Variants in SWAP70 observed in about 807,000 individuals in gnomAD.
SWAP70 encodes switch-associated protein 70.
Under a neutral mutation model 80.2 loss-of-function variants are expected in SWAP70, and 34 were observed. The ratio of observed to expected loss-of-function variants is 0.42; its 90% CI spans 0.32 to 0.56. The LOEUF is 0.56. SWAP70 is among the 20% of genes least tolerant of loss of function. The pLI, the probability that SWAP70 is intolerant of heterozygous loss-of-function variation, is 0.09. For synonymous variants in SWAP70, 239 were observed against 238.5 expected, an observed-to-expected ratio of 1.00 and a Z score of -0.02; for missense variants, 578 against 690.7, an observed-to-expected ratio of 0.84 and a Z score of 1.83.
At chr11:9,683,756 T>C (rs1850597127) in intron 1 of SWAP70, among the ~76,000 whole-genome samples, 1 of 152,224 alleles carries the variant, frequency 6.6e-6, no homozygotes, top group South Asian at 2.1e-4. Flanking sequence ...CACCCCGCTC[T>C]GTCACTGGGA....
At position 9,732,531 on chromosome 11, in the gene SWAP70, ATTC is replaced by A; in HGVS notation, c.902_904del (p.Ile301_His302delinsAsn). The stretch of plus-strand genomic sequence containing the variant: ...TTTTCCTCCTACACCTTTTACAGCC[ATTC>A]ATTCTACTATTCATCTGTTGAAGCT... On this transcript the variant is annotated inframe_deletion, in exon 7 of 12. Transcript: ENST00000318950. The A allele has an allele frequency of 6.2e-7, 1 of 1,604,318 alleles. No individual in the cohort carries two copies. Among genetic ancestry groups the A allele is most frequent in the Non-Finnish European group, 8.5e-7 (1 of 1,174,528 alleles).
chr11:9,748,565 A>G (rs1015759444), intron 10 of SWAP70, among the ~76,000 whole-genome samples: 1 of 152,242 alleles, frequency 6.6e-6, no homozygotes, highest in Non-Finnish European at 1.5e-5. Context: ...GAGGTGCTAC[A>G]GAAACTCACT....
In SWAP70 at chr11:9,690,502, A is replaced by G. The variant is rs1037452759; in HGVS notation, c.100-3644A>G. Among the ~76,000 whole-genome samples the G allele has an allele frequency of 2.6e-5, 4 of 152,114 alleles. 1 individual carries two copies. The South Asian group carries it at 6.2e-4, about 24-fold the overall frequency. ...TGAGGTGGAAAGATTGCTTGAACTT[A>G]GGAGGCAGACGTTGCTGAGATCATG... On this transcript the variant is annotated intron_variant, in intron 1 of 11. Coordinates refer to ENST00000318950, the MANE Select transcript of SWAP70 (RefSeq NM_015055.4).
At chr11:9,696,669 C>G (rs1260943298) in intron 2 of SWAP70, among the ~76,000 whole-genome samples, 3 of 151,958 alleles carry the variant, frequency 2.0e-5, no homozygotes, top group South Asian at 2.1e-4. Flanking sequence ...TTTAATTGAA[C>G]AATATATTAG....
At chr11:9,716,366 A>G (rs1851066176) in intron 3 of SWAP70, among the ~76,000 whole-genome samples, 2 of 152,156 alleles carry the variant, frequency 1.3e-5, no homozygotes, top group South Asian at 2.1e-4. Flanking sequence ...GGCTGTGGGG[A>G]AGCAGAGACA....
intron 3 of SWAP70, among the ~76,000 whole-genome samples, 184 bp downstream of exon 3, chr11:9,713,823 C>T (rs1851030417): frequency 6.6e-6 from 1 of 152,076 alleles, no homozygotes; most frequent in Non-Finnish European, 1.5e-5. Flanking sequence ...CATGTAATAC[C>T]CCTGGAGATT....
At chr11:9,713,397 T>C in intron 2 of SWAP70, 69 bp from the exon 3 acceptor site, 1 of 1,457,864 alleles carries the variant, frequency 6.9e-7, no homozygotes, top group South Asian at 1.5e-5. Flanking sequence ...TTTGTCTTTC[T>C]ATTTTACTTG....
At chr11:9,710,533 CTT>C (rs1850981960) in intron 2 of SWAP70, among the ~76,000 whole-genome samples, 1 of 151,990 alleles carries the variant, frequency 6.6e-6, no homozygotes, top group African/African-American at 2.4e-5. Flanking sequence ...CAGCTGGTGA[CTT>C]TTTTCATATA....
At chr11:9,671,049 G>A (rs750952246) in intron 1 of SWAP70, among the ~76,000 whole-genome samples, 4 of 142,528 alleles carry the variant, frequency 2.8e-5, no homozygotes, top group Non-Finnish European at 6.0e-5. Flanking sequence ...CACCATGCCC[G>A]GCCTATTATT....
chr11:9,698,620 G>T (rs192818404), intron 2 of SWAP70, among the ~76,000 whole-genome samples: 1 of 152,114 alleles, frequency 6.6e-6, no homozygotes, highest in Admixed American at 6.5e-5. Flanking sequence ...GGCCAGGCTA[G>T]TCTCCAACTC....
Position 9,705,252 on chromosome 11 carries a change from CTGTATACACTGGTGATA to C in SWAP70, c.241-8180_241-8164del, listed in dbSNP as rs1221746868. ...TGGTGATATGTATATACTTGGTGAT[CTGTATACACTGGTGATA>C]TGTATACACTGGTGATATGTATACA... On this transcript the variant is annotated intron_variant, in intron 2 of 11. Coordinates refer to ENST00000318950, the MANE Select transcript of SWAP70 (RefSeq NM_015055.4). 2.4e-3 allele frequency among the ~76,000 whole-genome samples: 339 copies of C among 140,850 alleles called. 44 individuals are homozygous for C. The highest frequency in any genetic ancestry group is 9.3e-3 in the African/African-American group (317 of 34,242). 92.4% of individuals were successfully genotyped at this position (140,850 alleles called of 152,430 possible).
chr11:9,712,727 T>C (rs971378520), intron 2 of SWAP70, among the ~76,000 whole-genome samples: 6 of 144,630 alleles, frequency 4.1e-5, no homozygotes, highest in Non-Finnish European at 3.0e-5. Context: ...AAAGAAGGTA[T>C]CTTCTTCCTT....
chr11:9,722,561 C>A (rs1851153103), intron 3 of SWAP70, among the ~76,000 whole-genome samples: 1 of 152,204 alleles, frequency 6.6e-6, no homozygotes, highest in Admixed American at 6.5e-5. Context: ...TCATTTCTAA[C>A]AAGCTTCCAG....
At chr11:9,695,296 G>GAA (rs56131559) in intron 2 of SWAP70, among the ~76,000 whole-genome samples, 3 of 129,530 alleles carry the variant, frequency 2.3e-5, no homozygotes, top group Non-Finnish European at 1.7e-5. Flanking sequence ...ATCCGTGTCA[G>GAA]AAAAAAAAAA....
chr11:9,728,620 T>G (rs1470015768), intron 5 of SWAP70, among the ~76,000 whole-genome samples: 3 of 152,220 alleles, frequency 2.0e-5, no homozygotes, highest in African/African-American at 7.2e-5. Flanking sequence ...TTTGAATACT[T>G]TGGGTGACTT....
At chr11:9,734,588 CA>C (rs1325453232) in intron 7 of SWAP70, among the ~76,000 whole-genome samples, 4 of 152,048 alleles carry the variant, frequency 2.6e-5, no homozygotes, top group Admixed American at 1.3e-4. Context: ...CACAGTTCTC[CA>C]ATTTTTTCAT....
At chr11:9,749,627 A>T (rs1305072182) in intron 11 of SWAP70, among the ~76,000 whole-genome samples, 3 of 152,184 alleles carry the variant, frequency 2.0e-5, no homozygotes, top group Admixed American at 2.0e-4. Context: ...GCCCAAATGT[A>T]AAAAAACCAA....
Position 9,672,079 on chromosome 11 carries a change from AAAT to A in SWAP70, c.99+7808_99+7810del, listed in dbSNP as rs564877671. 4.3e-3 allele frequency among the ~76,000 whole-genome samples: 553 copies of A among 127,426 alleles called. 6 individuals carry two copies. Among genetic ancestry groups the A allele is most frequent in the African/African-American group, 0.015 (521 of 33,764 alleles). The allele number at this position is 127,426 out of a possible 152,430, so 83.6% of individuals were successfully genotyped here. On this transcript the variant is annotated intron_variant, in intron 1 of 11. Coordinates refer to ENST00000318950, the MANE Select transcript of SWAP70 (RefSeq NM_015055.4). ...ATTTTATAGTATAAAATATATAATTAAATAATAATTTAAATATAATTATAATAT... is the reference window on the plus strand; with the variant it reads ...ATTTTATAGTATAAAATATATAATTAAATAATTTAAATATAATTATAATAT...
intron 1 of SWAP70, among the ~76,000 whole-genome samples, chr11:9,688,878 C>T (rs1331462312): frequency 1.3e-5 from 2 of 152,036 alleles, no homozygotes; most frequent in Admixed American, 1.3e-4. Context: ...TTAGAGTAGA[C>T]AATGCTTTTA....
Sources: gnomAD v4.1 joint callset for allele counts (sites outside exome capture counted in the v4.1 genomes callset) on GRCh38, gnomAD v4.1.1 for gene constraint, MANE v1.5 for transcripts, NCBI Gene and HGNC (gene_info 2026-07-23, HGNC 2026-07-21) for gene names.